The following ZNF385B variants were observed in gnomAD, a reference collection of about 807,000 sequenced individuals.
The protein encoded by ZNF385B is zinc finger protein 385B.
In ZNF385B, 23 loss-of-function variants were observed where a neutral mutation model predicts 39.2. That is an observed-to-expected ratio of 0.59 (90% CI 0.42 to 0.83). The LOEUF (loss-of-function observed/expected upper bound fraction) is 0.83, where lower values mean the gene tolerates loss of function less well. Ranked by LOEUF, ZNF385B falls within the 40% of genes least tolerant of loss-of-function variation. The pLI is 0.00. For missense variants in ZNF385B, 552 were observed against 598.9 expected (o/e 0.92, Z 0.82); for synonymous variants, 205 against 222.6 (o/e 0.92, Z 0.70).
At chr2:179,860,300 T>C (rs1230232936) in intron 1 of ZNF385B, among the ~76,000 whole-genome samples, 1 of 152,140 alleles carries the variant, frequency 6.6e-6, no homozygotes, top group African/African-American at 2.4e-5. Context: ...TCTTGGCAAT[T>C]TATTTCCCCT....
intron 3 of ZNF385B, chr2:179,576,286 C>G (rs186172551): frequency 2.0e-6 from 1 of 505,522 alleles, no homozygotes. Flanking sequence ...CAAAAGTGAA[C>G]CACATTACTC....
chr2:179,696,326 C>CTTTTTTTTTTTTTT (rs71029828), intron 3 of ZNF385B, among the ~76,000 whole-genome samples: 1,086 of 40,350 alleles, frequency 0.027, 448 homozygotes, highest in Middle Eastern at 0.17. Flanking sequence ...CAAACTGGGA[C>CTTTTTTTTTTTTTT]TTTTTTTTTT....
intron 3 of ZNF385B, among the ~76,000 whole-genome samples, chr2:179,709,269 T>G (rs554976282): frequency 6.6e-6 from 1 of 152,330 alleles, no homozygotes; most frequent in African/African-American, 2.4e-5. Flanking sequence ...TTTTCCAGCT[T>G]ACAAACTGCA....
intron 3 of ZNF385B, among the ~76,000 whole-genome samples, chr2:179,558,466 A>C (rs2061100868): frequency 1.3e-5 from 2 of 152,188 alleles, no homozygotes; most frequent in African/African-American, 4.8e-5. Flanking sequence ...TAATTTGAGA[A>C]AACAGAGTTA....
At chr2:179,540,535 TAA>T (rs1181617072) in intron 4 of ZNF385B, among the ~76,000 whole-genome samples, 3 of 152,086 alleles carry the variant, frequency 2.0e-5, no homozygotes, top group Non-Finnish European at 4.4e-5. Flanking sequence ...TAAATTAAGT[TAA>T]ACACTTGGGC....
intron 1 of ZNF385B, among the ~76,000 whole-genome samples, chr2:179,796,865 CTG>C: frequency 1.3e-5 from 2 of 152,268 alleles, no homozygotes; most frequent in East Asian, 3.9e-4. Flanking sequence ...CCTCTACCAG[CTG>C]TGTCTTGGTT....
intron 6 of ZNF385B, among the ~76,000 whole-genome samples, chr2:179,468,706 G>A (rs900117124): frequency 6.6e-5 from 10 of 152,160 alleles, no homozygotes; most frequent in African/African-American, 2.4e-4. Context: ...TGATACTTCA[G>A]GCAGGATGAG....
intron 5 of ZNF385B, among the ~76,000 whole-genome samples, chr2:179,491,274 T>G (rs981431261): frequency 6.6e-6 from 1 of 152,198 alleles, no homozygotes; most frequent in African/African-American, 2.4e-5. Context: ...TATATTACAA[T>G]TTTAGAATTT....
intron 3 of ZNF385B, among the ~76,000 whole-genome samples, chr2:179,721,249 A>G (rs1700681619): frequency 6.6e-6 from 1 of 152,160 alleles, no homozygotes; most frequent in African/African-American, 2.4e-5. Context: ...ATTAAGGGCT[A>G]TAATTAATAA....
intron 6 of ZNF385B, among the ~76,000 whole-genome samples, chr2:179,447,836 CTG>C (rs1439110648): frequency 6.6e-6 from 1 of 152,108 alleles, no homozygotes; most frequent in Non-Finnish European, 1.5e-5. Flanking sequence ...GTGTGTGTTT[CTG>C]TGTGTATGTT....
At chr2:179,496,593 G>GA (rs1427082256) in intron 5 of ZNF385B, among the ~76,000 whole-genome samples, 4 of 152,112 alleles carry the variant, frequency 2.6e-5, no homozygotes, top group Admixed American at 6.5e-5. Flanking sequence ...AGCAGCAAGA[G>GA]AAAATAAACA....
At chr2:179,703,570 C>T (rs1196605256) in intron 3 of ZNF385B, among the ~76,000 whole-genome samples, 3 of 152,090 alleles carry the variant, frequency 2.0e-5, no homozygotes, top group South Asian at 4.1e-4. Flanking sequence ...AGTAGGTGCT[C>T]GATCTGCTTT....
chr2:179,688,204 G>A (rs1165009124), intron 3 of ZNF385B, among the ~76,000 whole-genome samples: 1 of 152,146 alleles, frequency 6.6e-6, no homozygotes, highest in Non-Finnish European at 1.5e-5. Context: ...TGGGGAAGGG[G>A]CTTGGGGACA....
At chr2:179,540,174 A>T (rs1412063736) in intron 4 of ZNF385B, among the ~76,000 whole-genome samples, 1 of 152,160 alleles carries the variant, frequency 6.6e-6, no homozygotes. Flanking sequence ...GGCCAGGCGC[A>T]GTGGCTCACT....
At chr2:179,784,713 C>T (rs931001956) in intron 1 of ZNF385B, among the ~76,000 whole-genome samples, 5 of 151,994 alleles carry the variant, frequency 3.3e-5, no homozygotes, top group African/African-American at 9.7e-5. Context: ...CATTTGTCAT[C>T]GGGGAAATGC....
At chr2:179,837,670 C>T (rs1335738174) in intron 1 of ZNF385B, among the ~76,000 whole-genome samples, 5 of 152,160 alleles carry the variant, frequency 3.3e-5, no homozygotes, top group Non-Finnish European at 5.9e-5. Flanking sequence ...TTCGAGTTTA[C>T]GCATTTTATA....
At chr2:179,635,003 G>A (rs1208985787) in intron 3 of ZNF385B, among the ~76,000 whole-genome samples, 4 of 150,814 alleles carry the variant, frequency 2.7e-5, no homozygotes, top group Admixed American at 1.3e-4. Flanking sequence ...ATAGCCAGGC[G>A]TGGTGGCAGG....
intron 3 of ZNF385B, among the ~76,000 whole-genome samples, chr2:179,646,459 T>C (rs1204273956): frequency 2.6e-5 from 4 of 152,222 alleles, no homozygotes; most frequent in South Asian, 2.1e-4. Flanking sequence ...CCTGATGTCA[T>C]ACTTCTCTGT....
At chr2:179,461,317 T>C (rs1004057013) in intron 6 of ZNF385B, among the ~76,000 whole-genome samples, 4 of 152,138 alleles carry the variant, frequency 2.6e-5, no homozygotes, top group African/African-American at 4.8e-5. Flanking sequence ...AGGATAAACA[T>C]GAGGAGATCA....
Sources: gnomAD v4.1 joint callset for allele counts (sites outside exome capture counted in the v4.1 genomes callset) on GRCh38, gnomAD v4.1.1 for gene constraint, MANE v1.5 for transcripts, NCBI Gene and HGNC (gene_info 2026-07-23, HGNC 2026-07-21) for gene names.